Variants in ABCB1 observed in about 807,000 individuals in gnomAD.
ABCB1 encodes the protein ATP binding cassette subfamily B member 1.
A neutral mutation model predicts 142.0 loss-of-function variants in ABCB1; 69 were observed. That is an observed-to-expected ratio of 0.49 (90% CI 0.40 to 0.59). The LOEUF (loss-of-function observed/expected upper bound fraction) is 0.59. Ranked by LOEUF, ABCB1 falls within the 20% of genes least tolerant of loss-of-function variation. The pLI is 0.00. For synonymous variants in ABCB1, 532 were observed against 539.2 expected (o/e 0.99, Z 0.18); for missense variants, 1,326 against 1,554.7 (o/e 0.85, Z 2.47).
At chr7:87,626,123 ATT>A (rs1491155396) in intron 1 of ABCB1, among the ~76,000 whole-genome samples, 1 of 125,168 alleles carries the variant, frequency 8.0e-6, no homozygotes, top group Non-Finnish European at 1.7e-5. Flanking sequence ...TGTCATATAT[ATT>A]GTCATATATA....
intron 15 of ABCB1, 116 bp from the exon 16 acceptor site, chr7:87,545,115 A>C: frequency 1.1e-6 from 1 of 886,044 alleles, no homozygotes; most frequent in East Asian, 2.6e-5. Context: ...ACTGCAGAAA[A>C]GGATAAAGCT....
intron 21 of ABCB1, chr7:87,521,152 C>T (rs1403593249): frequency 9.2e-6 from 4 of 433,778 alleles, no homozygotes; most frequent in Non-Finnish European, 1.7e-5. Flanking sequence ...CTTTACGTGG[C>T]TTCGCAAAAT....
intron 21 of ABCB1, among the ~76,000 whole-genome samples, chr7:87,530,834 A>C (rs1000262780): frequency 1.3e-5 from 1 of 74,766 alleles, no homozygotes; most frequent in East Asian, 5.4e-4. Context: ...AGAAAGCAAG[A>C]AAGCAAGAAA....
rs181796999 is a variant in ABCB1, at chr7:87,616,099, T to A, written c.-330-15021A>T. On this transcript the variant is annotated intron_variant, in intron 1 of 28. Coordinates refer to the ABCB1 transcript ENST00000265724. ...AACATAAAGTTATATTTTATAGTAG[T>A]GGTATAAAATAATAAGCATCTACCT... Among the ~76,000 whole-genome samples the A allele has an allele frequency of 8.5e-5, 13 of 152,324 alleles. No homozygotes were observed. In the East Asian group the frequency reaches 2.5e-3, roughly 29 times the overall value.
intron 26 of ABCB1, among the ~76,000 whole-genome samples, chr7:87,507,596 G>A (rs1814804537): frequency 6.6e-6 from 1 of 152,148 alleles, no homozygotes; most frequent in Non-Finnish European, 1.5e-5. Context: ...GACTTAATGA[G>A]ATTGGTGTCA....
intron 24 of ABCB1, 77 bp downstream of exon 24, chr7:87,516,432 A>G: frequency 6.3e-7 from 1 of 1,586,598 alleles, no homozygotes; most frequent in South Asian, 1.1e-5. Flanking sequence ...GAAAGTACAA[A>G]TTTTATTAAG....
intron 9 of ABCB1, among the ~76,000 whole-genome samples, chr7:87,552,238 A>G (rs983907134): frequency 6.6e-5 from 10 of 152,122 alleles, no homozygotes; most frequent in Non-Finnish European, 1.5e-4. Context: ...TTTGGGGTTG[A>G]TGAGAATTAA....
At chr7:87,573,905 A>T (rs912421182) in intron 4 of ABCB1, among the ~76,000 whole-genome samples, 6 of 152,036 alleles carry the variant, frequency 3.9e-5, no homozygotes, top group Non-Finnish European at 5.9e-5. Context: ...TATATATATA[A>T]AATGTTCCCA....
At chr7:87,646,964 T>A (rs150905540) in intron 1 of ABCB1, among the ~76,000 whole-genome samples, 2 of 152,226 alleles carry the variant, frequency 1.3e-5, no homozygotes, top group Non-Finnish European at 2.9e-5. Flanking sequence ...TGATAATTTA[T>A]TCCATTGAGC....
chr7:87,681,699 G>A (rs1354886717), intron 1 of ABCB1, among the ~76,000 whole-genome samples: 1 of 151,140 alleles, frequency 6.6e-6, no homozygotes, highest in African/African-American at 2.4e-5. Flanking sequence ...TGAAGGATGG[G>A]GTGGATATGA....
chr7:87,589,783 A>T (rs979990552), intron 3 of ABCB1, among the ~76,000 whole-genome samples: 10 of 149,312 alleles, frequency 6.7e-5, no homozygotes, highest in Non-Finnish European at 1.0e-4. Context: ...AAGACCTAAA[A>T]AAAGAAAGAG....
intron 21 of ABCB1, among the ~76,000 whole-genome samples, chr7:87,527,274 G>A (rs1166670414): frequency 6.6e-6 from 1 of 152,000 alleles, no homozygotes; most frequent in Non-Finnish European, 1.5e-5. Context: ...AGAGTCTATA[G>A]GTATGCCTTT....
intron 4 of ABCB1, among the ~76,000 whole-genome samples, chr7:87,582,798 A>T (rs1818568127): frequency 6.6e-6 from 1 of 152,200 alleles, no homozygotes; most frequent in South Asian, 2.1e-4. Flanking sequence ...GGGTCACAAA[A>T]TATAATTTCT....
At chr7:87,614,707 A>G (rs1308761813) in intron 1 of ABCB1, among the ~76,000 whole-genome samples, 1 of 152,198 alleles carries the variant, frequency 6.6e-6, no homozygotes, top group Non-Finnish European at 1.5e-5. Flanking sequence ...TTTGGCTTTT[A>G]TTCTTGTTAC....
At chr7:87,705,639 C>T (rs1563148979) in intron 1 of ABCB1, among the ~76,000 whole-genome samples, 1 of 152,158 alleles carries the variant, frequency 6.6e-6, no homozygotes, top group Non-Finnish European at 1.5e-5. Flanking sequence ...GAACATGAGA[C>T]TTTTATTACA....
intron 1 of ABCB1, among the ~76,000 whole-genome samples, chr7:87,633,445 T>C (rs934846394): frequency 2.0e-5 from 3 of 152,214 alleles, no homozygotes; most frequent in African/African-American, 4.8e-5. Flanking sequence ...CCTTGGAGAC[T>C]CTTGCAGCAT....
intron 1 of ABCB1, among the ~76,000 whole-genome samples, chr7:87,702,517 C>A (rs938826374): frequency 6.6e-6 from 1 of 152,060 alleles, no homozygotes; most frequent in Admixed American, 6.5e-5. Context: ...TGGCTTCGAG[C>A]AGTCTTTCTG....
chr7:87,705,532 A>G (rs1424077111), intron 1 of ABCB1, among the ~76,000 whole-genome samples: 1 of 152,258 alleles, frequency 6.6e-6, no homozygotes, highest in African/African-American at 2.4e-5. Context: ...ACATAGCCTA[A>G]CAATAGAATA....
chr7:87,693,996 C>T, intron 1 of ABCB1: 1 of 1,607,184 alleles, frequency 6.2e-7, no homozygotes, highest in South Asian at 1.1e-5. Context: ...CACTGAGCTG[C>T]ACGGGAGCAT....
Sources: allele counts gnomAD v4.1 joint callset (sites outside exome capture counted in the v4.1 genomes callset), GRCh38; gene constraint gnomAD v4.1.1; transcripts MANE v1.5; gene names NCBI Gene and HGNC (gene_info 2026-07-23, HGNC 2026-07-21).